CDV3: variants seen among roughly 807,000 people sequenced by gnomAD.
CDV3 encodes protein CDV3 homolog.
Under a neutral mutation model 24.5 loss-of-function variants are expected in CDV3, and 14 were observed. That is an observed-to-expected ratio of 0.57 (90% CI 0.38 to 0.89). The LOEUF (loss-of-function observed/expected upper bound fraction) is 0.89, where lower values mean the gene tolerates loss of function less well. Ranked by LOEUF, CDV3 falls within the 40% of genes least tolerant of loss-of-function variation. The probability of loss-of-function intolerance (pLI) is 0.00; values close to 1 mark genes in which losing one functional copy is unlikely to be tolerated. For synonymous variants in CDV3, 114 were observed against 114.1 expected (o/e 1.00, Z 0.00); for missense variants, 304 against 310.2 (o/e 0.98, Z 0.15).
intron 1 of CDV3, chr3:133,574,625 A>C: frequency 9.9e-7 from 1 of 1,013,744 alleles, no homozygotes; most frequent in Non-Finnish European, 1.2e-6. Context: ...CCGTGTGCTG[A>C]CCTCAGCCCA....
chr3:133,574,295 G>A lies in CDV3; in HGVS notation c.240+11G>A. ...AAGGCTGTGACGAAGGTGAGGGGCC[G>A]GGAGGCCGGCACTCGGGGCCCGGGC... On this transcript the variant is annotated intron_variant, in intron 1 of 4. Transcript: ENST00000264993. 1.0e-6 allele frequency: 1 copy of A among 973,240 alleles called. No individual in the cohort carries two copies. Among genetic ancestry groups the A allele is most frequent in the Non-Finnish European group, 1.2e-6 (1 of 818,546 alleles). 60.3% of individuals were successfully genotyped at this position (973,240 alleles called of 1,614,324 possible).
In CDV3 at chr3:133,589,217, A is replaced by G. The variant is rs994332692; in HGVS notation, c.*1171A>G. 6.6e-6 allele frequency: 1 copy of G among 152,650 alleles called. No individual in the cohort carries two copies. Among genetic ancestry groups the G allele is most frequent in the African/African-American group, 2.4e-5 (1 of 41,450 alleles). The allele number at this position is 152,650 out of a possible 1,614,324, so 9.5% of individuals were successfully genotyped here. A position where few individuals can be genotyped will look rare whatever the true frequency, so the allele number is the denominator to read the frequency against. ...TGGCATGGATTGTGCATGATCTTTG[A>G]TAAGAATTCCTCATGTACTTGTGCC... On this transcript the variant is annotated 3_prime_UTR_variant, in exon 5 of 5. Transcript: ENST00000264993.
chr3:133,585,472 T>G (rs1933497248), intron 3 of CDV3, among the ~76,000 whole-genome samples: 1 of 151,574 alleles, frequency 6.6e-6, no homozygotes, highest in Non-Finnish European at 1.5e-5. Flanking sequence ...TGAGCCATTG[T>G]GCCTGGCTAG....
chr3:133,577,731 T>C (rs1372954840), intron 2 of CDV3, among the ~76,000 whole-genome samples: 3 of 152,218 alleles, frequency 2.0e-5, no homozygotes, highest in Admixed American at 6.5e-5. Flanking sequence ...TCTTTACCTG[T>C]ACATTTGAAA....
rs1386759030 is a variant in CDV3, at chr3:133,588,088, G to C, written c.*42G>C. On this transcript the variant is annotated 3_prime_UTR_variant, in exon 5 of 5. Transcript: ENST00000264993. ...ACCCTTCTGAGGTAACTAGACTGCA[G>C]CTAACCACCACCAACAGCCATTCAT... The C allele has an allele frequency of 6.3e-7, 1 of 1,595,480 alleles. No homozygotes were observed. The highest frequency in any genetic ancestry group is 2.2e-5 in the East Asian group (1 of 44,688).
chr3:133,586,540 TA>T, intron 3 of CDV3, 22 bp from the exon 4 acceptor site: 3 of 1,340,408 alleles, frequency 2.2e-6, no homozygotes, highest in Non-Finnish European at 3.2e-6. Context: ...ATAGTTTATC[TA>T]AAAATTGTTA....
rs1235049022 is a variant in CDV3 at position 133,589,164 on chromosome 3, G to A, written c.*1118G>A. Reference sequence around the variant, plus strand: ...TCCTTAGAAATTCAGAGTAACATGAGCAAAACCTCAGCTAAAACCCATTTA... The same window carrying A: ...TCCTTAGAAATTCAGAGTAACATGAACAAAACCTCAGCTAAAACCCATTTA... On this transcript the variant is annotated 3_prime_UTR_variant, in exon 5 of 5. Transcript: ENST00000264993. 1 of 152,628 alleles carries A rather than the reference G, an allele frequency of 6.6e-6. No homozygotes were observed. The highest frequency in any genetic ancestry group is 1.5e-5 in the Non-Finnish European group (1 of 68,066). 9.5% of individuals were successfully genotyped at this position (152,628 alleles called of 1,614,324 possible). A position where few individuals can be genotyped will look rare whatever the true frequency, so the allele number is the denominator to read the frequency against.
intron 2 of CDV3, 136 bp from the exon 3 acceptor site, chr3:133,583,866 T>C: frequency 7.6e-6 from 5 of 660,844 alleles, no homozygotes; most frequent in East Asian, 2.8e-5. Flanking sequence ...CTGGCCTCAC[T>C]TTTTAAATAA....
chr3:133,574,928 T>C (rs555114595), intron 1 of CDV3, 111 bp from the exon 2 acceptor site: 3 of 790,756 alleles, frequency 3.8e-6, no homozygotes, highest in East Asian at 2.7e-5. Context: ...AGAAGACAAG[T>C]ACATACTTAG....
intron 1 of CDV3, chr3:133,574,659 T>G (rs1395928193): frequency 9.7e-7 from 1 of 1,030,252 alleles, no homozygotes; most frequent in Non-Finnish European, 1.2e-6. Context: ...AATTTTCGCT[T>G]TCAGCAGCCG....
intron 2 of CDV3, among the ~76,000 whole-genome samples, chr3:133,576,840 G>GATTTTTTTTT (rs1378596698): frequency 1.2e-4 from 3 of 26,058 alleles, no homozygotes; most frequent in Non-Finnish European, 2.0e-4. Context: ...AGGTAGACTA[G>GATTTTTTTTT]CTTTTTTTTT....
At chr3:133,585,269 G>A (rs532260908) in intron 3 of CDV3, among the ~76,000 whole-genome samples, 15 of 152,130 alleles carry the variant, frequency 9.9e-5, no homozygotes, top group South Asian at 4.2e-4. Context: ...TCAACTCCTG[G>A]GTTCAAGCAA....
At chr3:133,586,748 T>G (rs760687869) in intron 4 of CDV3, 26 bp downstream of exon 4, 1 of 1,476,918 alleles carries the variant, frequency 6.8e-7, no homozygotes, top group South Asian at 1.1e-5. Flanking sequence ...AATTGCATTT[T>G]GTTTGGGACT....
chr3:133,584,220 A>C (rs890651624), intron 3 of CDV3, 70 bp downstream of exon 3: 11 of 1,160,594 alleles, frequency 9.5e-6, no homozygotes, highest in South Asian at 7.3e-5. Context: ...TCCACTTTCA[A>C]CTAAGTGCAT....
intron 2 of CDV3, among the ~76,000 whole-genome samples, chr3:133,582,359 C>T (rs908930775): frequency 6.6e-5 from 10 of 152,132 alleles, no homozygotes; most frequent in Non-Finnish European, 1.0e-4. Context: ...GCCATGTTGG[C>T]CAGGCTGGTC....
rs966431195 is a variant in CDV3 at position 133,588,233 on chromosome 3, A to G, written c.*187A>G. The stretch of plus-strand genomic sequence containing the variant: ...CTCTATGCATATTGGATTTAGGGGA[A>G]TTTTCATTGTTACATAAATGTGTGA... On this transcript the variant is annotated 3_prime_UTR_variant, in exon 5 of 5. Transcript: ENST00000264993. The G allele has an allele frequency of 6.5e-7, 1 of 1,539,406 alleles. No homozygotes were observed. Among genetic ancestry groups the G allele is most frequent in the African/African-American group, 1.4e-5 (1 of 72,498 alleles).
Position 133,589,035 on chromosome 3 carries a change from T to C in CDV3, c.*989T>C, listed in dbSNP as rs1196342292. On this transcript the variant is annotated 3_prime_UTR_variant, in exon 5 of 5. Coordinates refer to ENST00000264993, the MANE Select transcript of CDV3 (RefSeq NM_017548.5). ...GGGCAGTGGATTCTGGAGGCTCTAC[T>C]TCAGGTGCTGCTATAATGCCTCATC... 1 of 152,748 alleles carries C rather than the reference T, an allele frequency of 6.5e-6. No homozygotes were observed. The highest frequency in any genetic ancestry group is 1.5e-5 in the Non-Finnish European group (1 of 68,116). The allele number at this position is 152,748 out of a possible 1,614,324, so 9.5% of individuals were successfully genotyped here.
In CDV3 at chr3:133,588,154, ACTCGATTTCATGACCGGCC is replaced by A; in HGVS notation, c.*111_*129del. 6.4e-7 allele frequency: 1 copy of A among 1,553,462 alleles called. No homozygotes were observed. The highest frequency in any genetic ancestry group is 8.7e-7 in the Non-Finnish European group (1 of 1,151,384). On this transcript the variant is annotated 3_prime_UTR_variant, in exon 5 of 5. Coordinates refer to ENST00000264993, the MANE Select transcript of CDV3 (RefSeq NM_017548.5). ...GGATCTACAGACACCGATGCAGACC[ACTCGATTTCATGACCGGCC>A]CTATTGCACTATGGAAGTTAAAGTG...
In CDV3 at chr3:133,584,043, C is replaced by T. The variant is rs1370166671; in HGVS notation, c.359C>T (p.Pro120Leu). ...EEDDNEKRQD[P>L]GDNWEEGGGG... ...GACGATAATGAAAAGAGACAAGATC[C>T]AGGTGATAACTGGGAAGAAGGTGGA... Residue 120 changes from proline to leucine, a missense_variant, in exon 3 of 5, where the codon CCA becomes CTA. By Grantham distance (98) the Pro-to-Leu change is moderately conservative. This residue lies in a region of CDV3 where 219 missense variants were observed against 203.6 expected (regional missense o/e 1.08). Coordinates refer to ENST00000264993, the MANE Select transcript of CDV3 (RefSeq NM_017548.5). 2.5e-6 allele frequency: 4 copies of T among 1,610,858 alleles called. No individual in the cohort carries two copies. The highest frequency in any genetic ancestry group is 2.7e-5 in the African/African-American group (2 of 74,750).
Sources: allele counts gnomAD v4.1 joint callset (sites outside exome capture counted in the v4.1 genomes callset), GRCh38; gene constraint gnomAD v4.1.1; regional missense constraint gnomAD v4.1.1; transcripts MANE v1.5; gene names NCBI Gene and HGNC (gene_info 2026-07-23, HGNC 2026-07-21).